Variants in MYO1H observed in about 807,000 individuals in gnomAD.
MYO1H encodes myosin IH, also known as unconventional myosin-Ih.
In MYO1H, 118 loss-of-function variants were observed where a neutral mutation model predicts 149.3. That is an observed-to-expected ratio of 0.79 (90% CI 0.68 to 0.92). The LOEUF (loss-of-function observed/expected upper bound fraction) is 0.92. Ranked by LOEUF, MYO1H falls within the 40% of genes least tolerant of loss-of-function variation. MYO1H has a pLI of 0.00. For missense variants in MYO1H, 1,212 were observed against 1,280.7 expected (o/e 0.95, Z 0.82); for synonymous variants, 447 against 465.2 (o/e 0.96, Z 0.50).
chr12:109,420,082 T>C (rs534160697), intron 15 of MYO1H, among the ~76,000 whole-genome samples: 3 of 152,288 alleles, frequency 2.0e-5, no homozygotes, highest in African/African-American at 7.2e-5. Flanking sequence ...TTCTCATCTA[T>C]TTAGAGTCCC....
the MYO1H span, among the ~76,000 whole-genome samples, chr12:109,315,597 C>T: frequency 2.0e-5 from 3 of 152,060 alleles, no homozygotes; most frequent in Non-Finnish European, 2.9e-5. Context: ...CTTTAAAAAT[C>T]GAAAAGTTGG....
At chr12:109,424,565 A>T (rs1420380494) in intron 16 of MYO1H, among the ~76,000 whole-genome samples, 183 bp from the exon 17 acceptor site, 2 of 152,244 alleles carry the variant, frequency 1.3e-5, no homozygotes, top group Admixed American at 6.5e-5. Flanking sequence ...CAGTGGATGT[A>T]GAATGTGAAC....
the MYO1H span, among the ~76,000 whole-genome samples, chr12:109,336,391 AAG>A: frequency 1.3e-5 from 2 of 152,156 alleles, no homozygotes; most frequent in South Asian, 4.1e-4. Context: ...AGAGAAGAAA[AAG>A]AAAAAAGTTC....
chr12:109,443,202 G>A lies in MYO1H; in HGVS notation c.2689-312G>A, dbSNP rs191609648. ...TGTGTATATGTGTACGTATATGTGTGTATATGTGTACGTATATGTGTGTGT... is the reference window on the plus strand; with the variant it reads ...TGTGTATATGTGTACGTATATGTGTATATATGTGTACGTATATGTGTGTGT... On this transcript the variant is annotated intron_variant, in intron 27 of 31. Transcript: ENST00000310903. Among the ~76,000 whole-genome samples the A allele has an allele frequency of 9.4e-4, 76 of 80,892 alleles. 3 individuals carry two copies. The highest frequency in any genetic ancestry group is 1.4e-3 in the Non-Finnish European group (58 of 41,328). The allele number at this position is 80,892 out of a possible 152,430, so 53.1% of individuals were successfully genotyped here.
intron 1 of MYO1H, among the ~76,000 whole-genome samples, chr12:109,376,581 C>A (rs764755141): frequency 6.6e-6 from 1 of 152,210 alleles, no homozygotes; most frequent in African/African-American, 2.4e-5. Flanking sequence ...TGTTCTGCTA[C>A]CTTTGTCAAC....
chr12:109,410,746 A>G (rs1050996455), exon 13 of MYO1H: 7 of 1,596,208 alleles, frequency 4.4e-6, no homozygotes, highest in Non-Finnish European at 5.1e-6. Context: ...GAAGAGAGAC[A>G]TAAAGGAATC....
intron 1 of MYO1H, among the ~76,000 whole-genome samples, chr12:109,356,637 AT>A (rs981521620): frequency 7.2e-5 from 11 of 151,958 alleles, no homozygotes; most frequent in African/African-American, 9.7e-5. Context: ...ATGTAATGGC[AT>A]TTTTTTCCCC....
At chr12:109,444,836 C>A (rs1872410344) in intron 30 of MYO1H, among the ~76,000 whole-genome samples, 1 of 151,674 alleles carries the variant, frequency 6.6e-6, no homozygotes, top group Non-Finnish European at 1.5e-5. Context: ...CCACTGCACT[C>A]CAGCCTGGGC....
At chr12:109,368,811 C>T (rs1868922512) in intron 1 of MYO1H, among the ~76,000 whole-genome samples, 1 of 151,864 alleles carries the variant, frequency 6.6e-6, no homozygotes, top group Non-Finnish European at 1.5e-5. Flanking sequence ...CTTTCCCCCT[C>T]TCTTCCTTCC....
exon 4 of MYO1H, chr12:109,396,400 AACGCTT>A (rs1869907121): frequency 6.2e-7 from 1 of 1,610,834 alleles, no homozygotes; most frequent in African/African-American, 1.3e-5. Flanking sequence ...TATAGCCGAC[AACGCTT>A]ACCGAATGAT....
At chr12:109,316,294 G>C in the MYO1H span, among the ~76,000 whole-genome samples, 1 of 152,122 alleles carries the variant, frequency 6.6e-6, no homozygotes, top group Non-Finnish European at 1.5e-5. Flanking sequence ...CCCAGCAACC[G>C]TGAGTGGTTT....
At chr12:109,412,677 T>C (rs1870725234) in intron 14 of MYO1H, among the ~76,000 whole-genome samples, 1 of 152,128 alleles carries the variant, frequency 6.6e-6, no homozygotes, top group Non-Finnish European at 1.5e-5. Context: ...TCCCACAAGA[T>C]CAACTAGACA....
chr12:109,425,170 G>GAAAGAA (rs1159688634), intron 17 of MYO1H, among the ~76,000 whole-genome samples: 4 of 151,986 alleles, frequency 2.6e-5, no homozygotes, highest in African/African-American at 9.7e-5. Context: ...ATAAAAGAAA[G>GAAAGAA]AAAGAAAAAA....
At chr12:109,359,889 T>C (rs1868703235) in intron 1 of MYO1H, among the ~76,000 whole-genome samples, 1 of 152,220 alleles carries the variant, frequency 6.6e-6, no homozygotes, top group South Asian at 2.1e-4. Context: ...TTTAAAGTTG[T>C]GGAGTTTAAA....
intron 9 of MYO1H, 111 bp downstream of exon 9, chr12:109,406,971 C>A (rs1380843964): frequency 1.1e-6 from 1 of 910,506 alleles, no homozygotes; most frequent in Non-Finnish European, 1.7e-6. Context: ...TCCTAGCTCA[C>A]CAGGCCCTGC....
At chr12:109,370,411 AGCAGTGGGATGAG>A (rs1399540154) in intron 1 of MYO1H, among the ~76,000 whole-genome samples, 1 of 152,230 alleles carries the variant, frequency 6.6e-6, no homozygotes, top group Non-Finnish European at 1.5e-5. Flanking sequence ...ATGTCTACCC[AGCAGTGGGATGAG>A]GCTGAAATTC....
intron 1 of MYO1H, among the ~76,000 whole-genome samples, chr12:109,387,733 G>T (rs538977173): frequency 2.6e-5 from 4 of 152,262 alleles, no homozygotes; most frequent in Admixed American, 1.3e-4. Context: ...TCTGGCCAAG[G>T]GCCTGGTGAC....
chr12:109,443,355 TACACACACAC>T (rs10545297), intron 27 of MYO1H, among the ~76,000 whole-genome samples, 149 bp from the exon 28 acceptor site: 865 of 74,770 alleles, frequency 0.012, 196 homozygotes, highest in African/African-American at 0.04. Flanking sequence ...TGTGTGTATA[TACACACACAC>T]ACACACACAC....
chr12:109,319,077 A>G, the MYO1H span, among the ~76,000 whole-genome samples: 1 of 148,908 alleles, frequency 6.7e-6, no homozygotes, highest in Non-Finnish European at 1.5e-5. Context: ...TTCTAAGCGT[A>G]TACCCAAAAC....
Sources: gnomAD v4.1 joint callset for allele counts (sites outside exome capture counted in the v4.1 genomes callset) on GRCh38, gnomAD v4.1.1 for gene constraint, MANE v1.5 for transcripts, NCBI Gene and HGNC (gene_info 2026-07-23, HGNC 2026-07-21) for gene names.